The following PSD variants were observed in gnomAD, a reference collection of about 807,000 sequenced individuals.
PSD encodes PH and SEC7 domain-containing protein 1.
A neutral mutation model predicts 91.6 loss-of-function variants in PSD; 32 were observed. The observed-to-expected ratio is 0.35, with a 90% CI of 0.26 to 0.47. The LOEUF (loss-of-function observed/expected upper bound fraction) is 0.47, where lower values mean the gene tolerates loss of function less well. PSD is among the 20% of genes least tolerant of loss of function. The pLI is 1.00. For synonymous variants in PSD, 532 were observed against 569.3 expected (o/e 0.93, Z 0.93); for missense variants, 1,099 against 1,373.9 (o/e 0.80, Z 3.16).
chr10:102,405,496 C>T lies in PSD; in HGVS notation c.2176G>A (p.Asp726Asn), dbSNP rs772717298. 8 of 1,613,808 alleles carry T rather than the reference C, an allele frequency of 5.0e-6. No homozygotes were observed. Among genetic ancestry groups the T allele is most frequent in the African/African-American group, 2.7e-5 (2 of 74,906 alleles). ...CGCTTGATGACCTTGGGGTTGGGGT[C>T]GGCCAACTCAGACAGAGAGCGTCTC... ...ELRRSLSELA[D>N]PNPKVIKRIS... Residue 726 changes from aspartate (D) to asparagine (N), a missense_variant, in exon 12 of 17, where the codon GAC becomes AAC. Coordinates refer to ENST00000020673, the MANE Select transcript of PSD (RefSeq NM_002779.5). The surrounding 1 kb of genome is among the most constrained non-coding windows in gnomAD (Gnocchi z 5.4).
chr10:102,403,911 C>G lies in PSD; in HGVS notation c.2775G>C (p.Gln925His). The G allele has an allele frequency of 6.3e-7, 1 of 1,599,280 alleles. No individual in the cohort carries two copies. Among genetic ancestry groups the G allele is most frequent in the Non-Finnish European group, 8.5e-7 (1 of 1,172,880 alleles). ...ASELREHRAA[Q>H]LGKKGRGKEA... is the part of the protein sequence containing the mutation. Reference sequence around the variant, plus strand: ...CCTTGCCCCGGCCCTTCTTGCCCAGCTGGGCGGCCCGGTGCTCCCGCAGCT... The same window carrying G: ...CCTTGCCCCGGCCCTTCTTGCCCAGGTGGGCGGCCCGGTGCTCCCGCAGCT... The change falls in exon 16 of 17, where the codon CAG becomes CAC. Residue 925 changes from glutamine (Q) to histidine (H), a missense_variant. Coordinates refer to ENST00000020673, the MANE Select transcript of PSD (RefSeq NM_002779.5). The surrounding 1 kb of genome is among the most constrained non-coding windows in gnomAD (Gnocchi z 6.7).
intron 11 of PSD, among the ~76,000 whole-genome samples, chr10:102,406,795 T>G (rs187020207): frequency 2.2e-3 from 328 of 152,288 alleles, no homozygotes; most frequent in Middle Eastern, 0.01. Flanking sequence ...GTGAGCCACC[T>G]CGCCTGGCCG....
chr10:102,415,970 T>C (rs1426734114), intron 3 of PSD, 47 bp downstream of exon 3: 1 of 1,460,220 alleles, frequency 6.8e-7, no homozygotes. Context: ...TCAGCTGCTG[T>C]GGGGAAGGCC....
At position 102,412,205 on chromosome 10, in the gene PSD, C is replaced by T; in HGVS notation, c.1771G>A (p.Ala591Thr). Residue 591 changes from alanine (A) to threonine (T), a missense_variant, in exon 7 of 17, where the codon GCT becomes ACT. By Grantham distance (58) the Ala-to-Thr change is moderately conservative. This residue lies in a region of PSD where 110 missense variants were observed against 218.7 expected (regional missense o/e 0.50). Transcript: ENST00000020673. ...ACAAAGAACTTGAGGTACTCCCCAG[C>T]CACCAGTTTGCTGAAGTCATTGCTG... Reference protein sequence around the residue: ...GKNNDFSKLVAGEYLKFFVFT... With the variant: ...GKNNDFSKLVTGEYLKFFVFT... 1 of 1,614,186 alleles carries T rather than the reference C, an allele frequency of 6.2e-7. No individual in the cohort carries two copies. Among genetic ancestry groups the T allele is most frequent in the Non-Finnish European group, 8.5e-7 (1 of 1,180,022 alleles).
At position 102,403,124 on chromosome 10, in the gene PSD, G is replaced by A. The variant is rs887814501; in HGVS notation, c.*76C>T. 1.4e-5 allele frequency: 18 copies of A among 1,259,990 alleles called. No individual in the cohort carries two copies. The highest frequency in any genetic ancestry group is 9.8e-5 in the Admixed American group (3 of 30,706). 78.1% of individuals were successfully genotyped at this position (1,259,990 alleles called of 1,614,324 possible). ...GCCGGGAGGCCCTCGTGGGTGGCCC[G>A]AGGCCGGCCCGGGCTCAGGCAGGGC... On this transcript the variant is annotated 3_prime_UTR_variant, in exon 17 of 17. Transcript: ENST00000020673. This position sits in a 1 kb window ranked among gnomAD's most constrained non-coding sequence, Gnocchi z 6.7.
rs1226843756 is a variant in PSD, at chr10:102,418,718, TGAGACCGAGGA to T, written c.-112_-102del. The T allele has an allele frequency of 6.6e-6, 3 of 455,748 alleles. No homozygotes were observed. Among genetic ancestry groups the T allele is most frequent in the Non-Finnish European group, 8.8e-6 (2 of 226,694 alleles). The allele number at this position is 455,748 out of a possible 1,614,324, so 28.2% of individuals were successfully genotyped here. A position where few individuals can be genotyped will look rare whatever the true frequency, so the allele number is the denominator to read the frequency against. On this transcript the variant is annotated 5_prime_UTR_variant, in exon 1 of 17. Coordinates refer to ENST00000020673, the MANE Select transcript of PSD (RefSeq NM_002779.5). ...GTACTCACCGCTGCTCGCCCAGAGC[TGAGACCGAGGA>T]GAGACAGAGGAGAGGCTGGGCCCAG...
At chr10:102,417,262 C>A in intron 1 of PSD, 141 bp from the exon 2 acceptor site, 1 of 539,818 alleles carries the variant, frequency 1.9e-6, no homozygotes, top group South Asian at 2.3e-5. Flanking sequence ...ATCATTGATC[C>A]CACGCCTGGG....
In PSD at chr10:102,405,257, C is replaced by T. The variant is rs775334085; in HGVS notation, c.2327-4G>A. 57 of 1,610,428 alleles carry T rather than the reference C, an allele frequency of 3.5e-5. No individual in the cohort carries two copies. Among genetic ancestry groups the T allele is most frequent in the Non-Finnish European group, 4.3e-5 (51 of 1,179,864 alleles). The stretch of plus-strand genomic sequence containing the variant: ...CAGCCCCGCTTGCCCCGAGGTGCTG[C>T]GGGGAGAGAAGACAGGTCAGGGGGC... On this transcript the variant is annotated splice_region_variant and splice_polypyrimidine_tract_variant and intron_variant, in intron 12 of 16. Transcript: ENST00000020673. This position sits in a 1 kb window ranked among gnomAD's most constrained non-coding sequence, Gnocchi z 5.4.
In PSD at chr10:102,412,233, G is replaced by C; in HGVS notation, c.1749-6C>G. On this transcript the variant is annotated splice_region_variant and splice_polypyrimidine_tract_variant and intron_variant, in intron 6 of 16. Transcript: ENST00000020673. ...CCAGTTTGCTGAAGTCATTGCTGTGGGCAGGGCAGAGAGACAGGTAGGGTC... is the reference window on the plus strand; with the variant it reads ...CCAGTTTGCTGAAGTCATTGCTGTGCGCAGGGCAGAGAGACAGGTAGGGTC... 6.2e-7 allele frequency: 1 copy of C among 1,614,106 alleles called. No individual in the cohort carries two copies. Among genetic ancestry groups the C allele is most frequent in the Non-Finnish European group, 8.5e-7 (1 of 1,179,960 alleles).
In PSD at chr10:102,412,593, C is replaced by T. The variant is rs376560224; in HGVS notation, c.1554-18G>A. ...GTGGTTCGCTGCCGGGGTAGAACACCAGCTCAGGCTGGGGCAGGGTCCTTA... is the reference window on the plus strand; with the variant it reads ...GTGGTTCGCTGCCGGGGTAGAACACTAGCTCAGGCTGGGGCAGGGTCCTTA... On this transcript the variant is annotated intron_variant, in intron 5 of 16. Transcript: ENST00000020673. The T allele has an allele frequency of 1.2e-6, 2 of 1,600,738 alleles. No homozygotes were observed. Among genetic ancestry groups the T allele is most frequent in the East Asian group, 2.2e-5 (1 of 44,488 alleles).
chr10:102,412,621 A>G (rs2061436184), intron 5 of PSD, 46 bp from the exon 6 acceptor site: 5 of 1,542,476 alleles, frequency 3.2e-6, no homozygotes, highest in South Asian at 2.4e-5. Flanking sequence ...GGTCCTTAGG[A>G]GCCATCCAGA....
In PSD at chr10:102,414,607, C is replaced by T. The variant is rs1257427016; in HGVS notation, c.1124+256G>A. 6.6e-6 allele frequency among the ~76,000 whole-genome samples: 1 copy of T among 152,174 alleles called. No individual in the cohort carries two copies. The highest frequency in any genetic ancestry group is 1.5e-5 in the Non-Finnish European group (1 of 68,026). ...GGATCCAGACTCATGCTCCTGTGTT[C>T]CTGGGCTTGACTGTGGCCTCTGGCC... On this transcript the variant is annotated intron_variant, in intron 4 of 16. Transcript: ENST00000020673. This position sits in a 1 kb window ranked among gnomAD's most constrained non-coding sequence, Gnocchi z 5.6.
At position 102,415,057 on chromosome 10, in the gene PSD, C is replaced by T; in HGVS notation, c.930G>A (p.Glu310=). The change falls in exon 4 of 17, where the codon GAG becomes GAA. Residue 310 remains glutamate, a synonymous_variant. Transcript: ENST00000020673. ...DIDEVLAERE[E]ADSAIESQPS... is the part of the protein sequence containing the mutation. ...GCTGACTTTCGATGGCCGAGTCGGC[C>T]TCCTCCCGCTCAGCCAGCACCTCAT... 1 of 1,614,028 alleles carries T rather than the reference C, an allele frequency of 6.2e-7. No homozygotes were observed. The highest frequency in any genetic ancestry group is 8.5e-7 in the Non-Finnish European group (1 of 1,179,956).
rs781465739 is a variant in PSD, at chr10:102,403,360, G to A, written c.2915C>T (p.Ala972Val). ...GGCCTGGGCCAGTGCTGCCTCCACT[G>A]CATCCAGCTCCTCACTGCCTGCCTT... ...KLKAGSEELD[A>V]VEAALAQAGS... is the part of the protein sequence containing the mutation. The change falls in exon 17 of 17, where the codon GCA (alanine) becomes GTA (valine). Residue 972 changes from alanine to valine, a missense_variant. Ala to Val is a moderately conservative substitution (Grantham distance 64, BLOSUM62 0). Coordinates refer to ENST00000020673, the MANE Select transcript of PSD (RefSeq NM_002779.5). This position sits in a 1 kb window ranked among gnomAD's most constrained non-coding sequence, Gnocchi z 6.7. 18 of 1,613,834 alleles carry A rather than the reference G, an allele frequency of 1.1e-5. No individual in the cohort carries two copies. Among genetic ancestry groups the A allele is most frequent in the Admixed American group, 1.7e-5 (1 of 59,994 alleles).
chr10:102,411,944 G>T, intron 7 of PSD, 125 bp from the exon 8 acceptor site: 1 of 897,168 alleles, frequency 1.1e-6, no homozygotes, highest in Non-Finnish European at 1.8e-6. Flanking sequence ...AGGGGATGAG[G>T]GTATGCACCC....
chr10:102,412,652 C>G, intron 5 of PSD, 77 bp from the exon 6 acceptor site: 1 of 1,308,792 alleles, frequency 7.6e-7, no homozygotes, highest in Non-Finnish European at 1.0e-6. Context: ...GCCTCCAGGC[C>G]CAGAAGATGG....
intron 1 of PSD, among the ~76,000 whole-genome samples, chr10:102,418,476 C>T (rs893674340): frequency 6.6e-6 from 1 of 152,104 alleles, no homozygotes; most frequent in African/African-American, 2.4e-5. Flanking sequence ...ACTGGGGTCT[C>T]TTGAGGGGAA....
rs763648626 is a variant in PSD at position 102,403,285 on chromosome 10, T to C, written c.2990A>G (p.Gln997Arg). 4.3e-6 allele frequency: 7 copies of C among 1,613,642 alleles called. No individual in the cohort carries two copies. Among genetic ancestry groups the C allele is most frequent in the Middle Eastern group, 3.3e-4 (2 of 6,056 alleles). The change falls in exon 17 of 17, where the codon CAG (glutamine) becomes CGG (arginine). Residue 997 changes from glutamine (Q) to arginine (R), a missense_variant. Around this residue, in one of 3 missense-constraint regions of PSD, gnomAD observed 358 missense variants for 426.5 expected, o/e 0.84. Transcript: ENST00000020673. This position sits in a 1 kb window ranked among gnomAD's most constrained non-coding sequence, Gnocchi z 6.7. ...CCGGGGCTGGCTGGAGGGTTTGGGC[T>C]GCAGGGAGGGACTGGAGTGAGAAGG... ...LPPSHSSPSLQPKPSSQPRAQ... is the reference protein window; with the variant it reads ...LPPSHSSPSLRPKPSSQPRAQ...
rs1423020608 is a variant in PSD at position 102,410,850 on chromosome 10, C to T, written c.2091+8G>A. 6.2e-6 allele frequency: 10 copies of T among 1,608,700 alleles called. No homozygotes were observed. The highest frequency in any genetic ancestry group is 3.5e-4 in the Middle Eastern group (2 of 5,648). On this transcript the variant is annotated splice_region_variant and intron_variant, in intron 10 of 16. Coordinates refer to ENST00000020673, the MANE Select transcript of PSD (RefSeq NM_002779.5). The surrounding 1 kb of genome is among the most constrained non-coding windows in gnomAD (Gnocchi z 6.0). ...CTCCAGCGACTTCTACCCTGCCCCG[C>T]CCCCCACCTTGAGCAGCTCCCTAGG...
Sources: allele counts gnomAD v4.1 joint callset (sites outside exome capture counted in the v4.1 genomes callset), GRCh38; gene constraint gnomAD v4.1.1; regional missense constraint gnomAD v4.1.1; non-coding constraint Gnocchi (gnomAD v3.1); transcripts MANE v1.5; gene names NCBI Gene and HGNC (gene_info 2026-07-23, HGNC 2026-07-21).